SLC9A9: variants seen among roughly 807,000 people sequenced by gnomAD.
SLC9A9 encodes the protein sodium/hydrogen exchanger 9.
Under a neutral mutation model 77.8 loss-of-function variants are expected in SLC9A9, and 62 were observed. That is an observed-to-expected ratio of 0.80 (90% CI 0.65 to 0.98). The LOEUF is 0.98. Ranked by LOEUF, SLC9A9 falls within the 50% of genes least tolerant of loss-of-function variation. The pLI, the probability that SLC9A9 is intolerant of heterozygous loss-of-function variation, is 0.00. For missense variants in SLC9A9, 775 were observed against 774.9 expected (o/e 1.00, Z 0.00); for synonymous variants, 320 against 283.5 (o/e 1.13, Z -1.29).
At chr3:143,693,564 G>A (rs75082039) in intron 4 of SLC9A9, among the ~76,000 whole-genome samples, 2,467 of 152,224 alleles carry the variant, frequency 0.016, 57 homozygotes, top group African/African-American at 0.055. Flanking sequence ...ATGAAAACAA[G>A]ATAAATCTCA....
Position 143,345,271 on chromosome 3 carries a change from G to A in SLC9A9, c.1604+18213C>T, listed in dbSNP as rs1056187112. Among the ~76,000 whole-genome samples, 6 of 152,090 alleles carry A rather than the reference G, an allele frequency of 3.9e-5. No individual in the cohort carries two copies. In the East Asian group the frequency reaches 7.7e-4, roughly 19 times the overall value. ...AAATAGAAGACAAAGAAAAGAAGGGGGCCTTGGATAGAACCTTTATTAATT... is the reference window on the plus strand; with the variant it reads ...AAATAGAAGACAAAGAAAAGAAGGGAGCCTTGGATAGAACCTTTATTAATT... On this transcript the variant is annotated intron_variant, in intron 14 of 15. Transcript: ENST00000316549.
At chr3:143,541,890 T>C (rs1457756509) in intron 9 of SLC9A9, among the ~76,000 whole-genome samples, 2 of 152,240 alleles carry the variant, frequency 1.3e-5, no homozygotes, top group Non-Finnish European at 2.9e-5. Flanking sequence ...CTTTGTCAGA[T>C]AAAAAATTTA....
chr3:143,622,442 G>T (rs1047357125), intron 6 of SLC9A9, among the ~76,000 whole-genome samples: 3 of 152,224 alleles, frequency 2.0e-5, no homozygotes, highest in African/African-American at 4.8e-5. Context: ...CAAGCCAGAA[G>T]AGAGTGGGGG....
intron 12 of SLC9A9, among the ~76,000 whole-genome samples, chr3:143,432,998 C>A (rs1386016226): frequency 2.6e-5 from 4 of 152,200 alleles, no homozygotes; most frequent in South Asian, 4.1e-4. Flanking sequence ...ATTAGACCAG[C>A]AGCACCAATC....
chr3:143,652,871 C>G (rs552448637), intron 5 of SLC9A9, among the ~76,000 whole-genome samples: 1 of 151,838 alleles, frequency 6.6e-6, no homozygotes, highest in South Asian at 2.1e-4. Context: ...CTGTCCCCCT[C>G]CCAACCCTTC....
At position 143,394,905 on chromosome 3, in the gene SLC9A9, C is replaced by T. The variant is rs368969367; in HGVS notation, c.1470-12791G>A. On this transcript the variant is annotated intron_variant, in intron 12 of 15. Coordinates refer to ENST00000316549, the MANE Select transcript of SLC9A9 (RefSeq NM_173653.4). ...CCAACTTACAAGGGATGTGAAGGAC[C>T]TCTTCAAGGAGAGCTACAAACCACT... Among the ~76,000 whole-genome samples, 4 of 152,114 alleles carry T rather than the reference C, an allele frequency of 2.6e-5. No homozygotes were observed. The East Asian group carries it at 7.7e-4, about 29-fold the overall frequency.
rs140727864 is a variant in SLC9A9, at chr3:143,402,247, G to T, written c.1470-20133C>A. ...GCCTACCTCAACGAATAAAAAGGAA[G>T]AAATTATAAAAATTTAAAAATCCTT... On this transcript the variant is annotated intron_variant, in intron 12 of 15. Transcript: ENST00000316549. 4.1e-3 allele frequency among the ~76,000 whole-genome samples: 623 copies of T among 152,156 alleles called. 4 individuals carry two copies. The highest frequency in any genetic ancestry group is 0.014 in the African/African-American group (594 of 41,522).
At chr3:143,551,741 C>T (rs1225226300) in intron 9 of SLC9A9, among the ~76,000 whole-genome samples, 1 of 152,178 alleles carries the variant, frequency 6.6e-6, no homozygotes, top group Non-Finnish European at 1.5e-5. Context: ...CATCTGTGTC[C>T]TCAGAAACAG....
intron 12 of SLC9A9, among the ~76,000 whole-genome samples, chr3:143,438,517 T>G (rs2034667635): frequency 6.6e-6 from 1 of 152,168 alleles, no homozygotes; most frequent in South Asian, 2.1e-4. Flanking sequence ...CTGAGAAATC[T>G]AGTCCAGTCA....
rs762888350 is a variant in SLC9A9, at chr3:143,467,133, T to C, written c.1373A>G (p.Lys458Arg). The change falls in exon 12 of 16, where the codon AAA becomes AGA. Residue 458 changes from lysine to arginine, a missense_variant. By Grantham distance (26) the Lys-to-Arg change is conservative. Transcript: ENST00000316549. The part of the protein sequence containing the change: ...LAIRNTESQP[K>R]QMMFTTTLLL... ...CAGCGTAGTGGTAAACATCATTTGTTTGGGCTGAGATTCTGTGTTCCGAAT... is the reference window on the plus strand; with the variant it reads ...CAGCGTAGTGGTAAACATCATTTGTCTGGGCTGAGATTCTGTGTTCCGAAT... 1 of 1,614,204 alleles carries C rather than the reference T, an allele frequency of 6.2e-7. No homozygotes were observed. The highest frequency in any genetic ancestry group is 2.2e-5 in the East Asian group (1 of 44,858).
chr3:143,769,502 G>GGTA (rs1259363029), intron 4 of SLC9A9, among the ~76,000 whole-genome samples: 1 of 152,134 alleles, frequency 6.6e-6, no homozygotes, highest in Admixed American at 6.6e-5. Flanking sequence ...CAAAGCCAGA[G>GGTA]GTAAGTACAA....
chr3:143,688,487 C>G (rs954729973), intron 5 of SLC9A9, among the ~76,000 whole-genome samples: 1 of 152,000 alleles, frequency 6.6e-6, no homozygotes, highest in African/African-American at 2.4e-5. Context: ...GAGGCCTGAC[C>G]CTGAAAGCCA....
intron 4 of SLC9A9, among the ~76,000 whole-genome samples, chr3:143,781,456 T>C (rs2007880947): frequency 6.6e-6 from 1 of 152,200 alleles, no homozygotes; most frequent in South Asian, 2.1e-4. Flanking sequence ...GCAATTGTTA[T>C]TATTGTAGTC....
At chr3:143,344,443 T>C (rs572310681) in intron 14 of SLC9A9, 2 of 152,282 alleles carry the variant, frequency 1.3e-5, no homozygotes. Flanking sequence ...TTTTCTAATA[T>C]ATTAAGAGAC....
At chr3:143,621,819 G>A (rs1364575220) in intron 6 of SLC9A9, among the ~76,000 whole-genome samples, 1 of 152,182 alleles carries the variant, frequency 6.6e-6, no homozygotes, top group Admixed American at 6.5e-5. Flanking sequence ...ACTACCCTGA[G>A]CTAAAGGAGA....
intron 9 of SLC9A9, among the ~76,000 whole-genome samples, chr3:143,520,473 C>G (rs1559950681): frequency 6.6e-6 from 1 of 152,166 alleles, no homozygotes; most frequent in East Asian, 1.9e-4. Context: ...TAAGACATAA[C>G]TGTTGTTTAA....
rs202028477 is a variant in SLC9A9, at chr3:143,690,124, C to A, written c.649+3068G>T. Among the ~76,000 whole-genome samples the A allele has an allele frequency of 4.2e-4, 63 of 151,706 alleles. No homozygotes were observed. The East Asian group carries it at 0.011, about 27-fold the overall frequency. ...GGATATATCCAAAGGCTAAAAATAACCACAATAAAATCTTAAGCAGTTTTT... is the reference window on the plus strand; with the variant it reads ...GGATATATCCAAAGGCTAAAAATAAACACAATAAAATCTTAAGCAGTTTTT... On this transcript the variant is annotated intron_variant, in intron 5 of 15. Coordinates refer to ENST00000316549, the MANE Select transcript of SLC9A9 (RefSeq NM_173653.4).
At chr3:143,738,197 G>A (rs1934991893) in intron 4 of SLC9A9, among the ~76,000 whole-genome samples, 1 of 152,200 alleles carries the variant, frequency 6.6e-6, no homozygotes. Flanking sequence ...TGCAGTAGCA[G>A]ATATGTGGGC....
At chr3:143,325,077 G>T (rs201258707) in intron 14 of SLC9A9, among the ~76,000 whole-genome samples, 1 of 77,992 alleles carries the variant, frequency 1.3e-5, no homozygotes, top group African/African-American at 4.2e-5. Context: ...TTATTAACCA[G>T]AAAAAAAAAA....
Sources: allele counts gnomAD v4.1 joint callset (sites outside exome capture counted in the v4.1 genomes callset), GRCh38; gene constraint gnomAD v4.1.1; transcripts MANE v1.5; gene names NCBI Gene and HGNC (gene_info 2026-07-23, HGNC 2026-07-21).